Variants in MITF observed in about 807,000 individuals in gnomAD.
MITF encodes melanocyte inducing transcription factor, also known as microphthalmia-associated transcription factor.
In MITF, 17 loss-of-function variants were observed where a neutral mutation model predicts 60.5. The observed-to-expected ratio is 0.28, with a 90% CI of 0.19 to 0.42. The LOEUF is 0.42. MITF is among the 10% of genes least tolerant of loss of function. The probability of loss-of-function intolerance (pLI) is 1.00; values close to 1 mark genes in which losing one functional copy is unlikely to be tolerated. For missense variants in MITF, 622 were observed against 683.5 expected (o/e 0.91, Z 1.00); for synonymous variants, 260 against 248.5 (o/e 1.05, Z -0.43).
chr3:69,968,140 C>A lies in MITF; in HGVS notation c.*2892C>A. On this transcript the variant is annotated 3_prime_UTR_variant, in exon 10 of 10. Coordinates refer to ENST00000352241, the MANE Select transcript of MITF (RefSeq NM_001354604.2). ...ATAACAGTATAAAACAGCCCTATTT[C>A]TTGATAAAAAATGACAAATGACTGT... 1 of 233,242 alleles carries A rather than the reference C, an allele frequency of 4.3e-6. No individual in the cohort carries two copies. Among genetic ancestry groups the A allele is most frequent in the Non-Finnish European group, 8.5e-6 (1 of 117,796 alleles). 14.4% of individuals were successfully genotyped at this position (233,242 alleles called of 1,614,324 possible). A position where few individuals can be genotyped will look rare whatever the true frequency, so the allele number is the denominator to read the frequency against.
intron 6 of MITF, among the ~76,000 whole-genome samples, chr3:69,949,997 A>C (rs1458905350): frequency 6.6e-6 from 1 of 152,204 alleles, no homozygotes; most frequent in Non-Finnish European, 1.5e-5. Flanking sequence ...TTAGAAAATA[A>C]GCAGGAGAAA....
chr3:69,783,825 A>G (rs140952925), intron 1 of MITF, among the ~76,000 whole-genome samples: 14 of 152,308 alleles, frequency 9.2e-5, no homozygotes, highest in African/African-American at 3.4e-4. Context: ...TTTGGACTCC[A>G]GCTGTCTCTA....
At chr3:69,790,841 G>C (rs117106918) in intron 1 of MITF, among the ~76,000 whole-genome samples, 4 of 152,206 alleles carry the variant, frequency 2.6e-5, no homozygotes, top group African/African-American at 9.6e-5. Context: ...TCTCACTCTC[G>C]AATTTCTTAT....
intron 1 of MITF, among the ~76,000 whole-genome samples, chr3:69,772,058 A>G (rs1270439442): frequency 6.6e-6 from 1 of 152,166 alleles, no homozygotes; most frequent in Non-Finnish European, 1.5e-5. Flanking sequence ...TTCTTTGTGG[A>G]TGATTTTGCT....
chr3:69,897,384 G>A (rs1385703519), intron 2 of MITF, among the ~76,000 whole-genome samples: 1 of 152,126 alleles, frequency 6.6e-6, no homozygotes, highest in Non-Finnish European at 1.5e-5. Flanking sequence ...CAGACAGAAG[G>A]AAGAAGGCAT....
At chr3:69,788,295 C>A (rs1261675123) in intron 1 of MITF, among the ~76,000 whole-genome samples, 3 of 121,690 alleles carry the variant, frequency 2.5e-5, no homozygotes, top group African/African-American at 9.3e-5. Context: ...CTCCCCCGAC[C>A]CCACAACAGT....
chr3:69,918,486 T>C (rs2065388372), intron 2 of MITF, among the ~76,000 whole-genome samples: 1 of 152,230 alleles, frequency 6.6e-6, no homozygotes, highest in Non-Finnish European at 1.5e-5. Context: ...TTTGGGACTT[T>C]TAAAATAAGT....
intron 2 of MITF, among the ~76,000 whole-genome samples, chr3:69,921,372 T>G (rs1480125844): frequency 6.6e-6 from 1 of 152,226 alleles, no homozygotes; most frequent in Non-Finnish European, 1.5e-5. Context: ...ATAGTTGATG[T>G]TCGGAATGAC....
chr3:69,949,202 A>G, intron 6 of MITF, 34 bp downstream of exon 6: 1 of 1,440,804 alleles, frequency 6.9e-7, no homozygotes, highest in Middle Eastern at 1.8e-4. Context: ...CTTACTGCAG[A>G]TTTCTGTCCA....
intron 1 of MITF, among the ~76,000 whole-genome samples, chr3:69,794,652 T>A (rs2062799387): frequency 6.6e-6 from 1 of 152,138 alleles, no homozygotes; most frequent in African/African-American, 2.4e-5. Context: ...TGCTTTGCAT[T>A]TGTTATTTGT....
chr3:69,820,398 C>T (rs1355676441), intron 1 of MITF, among the ~76,000 whole-genome samples: 4 of 152,002 alleles, frequency 2.6e-5, no homozygotes, highest in African/African-American at 9.7e-5. Flanking sequence ...GGAATCCAAA[C>T]CTTGGAATTT....
intron 1 of MITF, among the ~76,000 whole-genome samples, chr3:69,747,586 T>C (rs895861315): frequency 1.3e-5 from 2 of 152,264 alleles, no homozygotes; most frequent in Non-Finnish European, 2.9e-5. Context: ...GGGTTACCCA[T>C]AGGACTGAAG....
In MITF at chr3:69,921,930, T is replaced by C. The variant is rs144150143; in HGVS notation, c.355-15892T>C. Among the ~76,000 whole-genome samples, 353 of 152,336 alleles carry C rather than the reference T, an allele frequency of 2.3e-3. 1 individual carries two copies. Among genetic ancestry groups the C allele is most frequent in the Non-Finnish European group, 3.9e-3 (267 of 68,030 alleles). On this transcript the variant is annotated intron_variant, in intron 2 of 9. Coordinates refer to ENST00000352241, the MANE Select transcript of MITF (RefSeq NM_001354604.2). The stretch of plus-strand genomic sequence containing the variant: ...GCATCACCGCTGGACTCTCGCATAC[T>C]GGATGCCGGTAGTAGCACCCCCTCC...
chr3:69,834,112 A>C (rs1242937655), intron 1 of MITF, among the ~76,000 whole-genome samples: 1 of 152,238 alleles, frequency 6.6e-6, no homozygotes, highest in African/African-American at 2.4e-5. Context: ...TGATCAAATC[A>C]GCATAGTTAA....
chr3:69,784,701 A>G (rs1445428960), intron 1 of MITF, among the ~76,000 whole-genome samples: 4 of 152,222 alleles, frequency 2.6e-5, no homozygotes, highest in East Asian at 3.9e-4. Context: ...AACTAGTTGG[A>G]TTATTAGAGA....
intron 5 of MITF, 80 bp from the exon 6 acceptor site, chr3:69,948,971 A>C: frequency 1.0e-6 from 1 of 1,003,996 alleles, no homozygotes; most frequent in Non-Finnish European, 1.6e-6. Flanking sequence ...AATAAATCCT[A>C]GAGTAGGATA....
chr3:69,906,209 A>G (rs2065095543), intron 2 of MITF, among the ~76,000 whole-genome samples: 1 of 152,268 alleles, frequency 6.6e-6, no homozygotes, highest in Non-Finnish European at 1.5e-5. Flanking sequence ...ATTTGTTGAA[A>G]AAACTATCCT....
At chr3:69,839,619 G>A (rs2063598973) in intron 1 of MITF, among the ~76,000 whole-genome samples, 1 of 151,972 alleles carries the variant, frequency 6.6e-6, no homozygotes, top group South Asian at 2.1e-4. Context: ...GCTCATGGAG[G>A]CCACCGTGAG....
At chr3:69,869,098 G>A (rs2064172972) in intron 1 of MITF, among the ~76,000 whole-genome samples, 1 of 152,052 alleles carries the variant, frequency 6.6e-6, no homozygotes, top group Admixed American at 6.5e-5. Context: ...TTTGAATAAG[G>A]GTGCACCAAC....
Sources: allele counts gnomAD v4.1 joint callset (sites outside exome capture counted in the v4.1 genomes callset), GRCh38; gene constraint gnomAD v4.1.1; transcripts MANE v1.5; gene names NCBI Gene and HGNC (gene_info 2026-07-23, HGNC 2026-07-21).